Variants in BCAM observed in about 807,000 individuals in gnomAD.
BCAM encodes the protein basal cell adhesion molecule.
Under a neutral mutation model 72.4 loss-of-function variants are expected in BCAM, and 61 were observed. The ratio of observed to expected loss-of-function variants is 0.84; its 90% confidence interval spans 0.69 to 1.04. The LOEUF is 1.04. Among genes scored for constraint, BCAM ranks in the 50% least tolerant of loss-of-function variants. BCAM has a pLI of 0.00. For synonymous variants in BCAM, 408 were observed against 384.2 expected, an observed-to-expected ratio of 1.06 and a Z score of -0.73; for missense variants, 909 against 895.0, an observed-to-expected ratio of 1.02 and a Z score of -0.20.
At chr19:44,819,224 C>A in intron 11 of BCAM, 32 bp downstream of exon 11, 1 of 1,613,122 alleles carries the variant, frequency 6.2e-7, no homozygotes, top group Non-Finnish European at 8.5e-7. Context: ...CCTGAGCCCC[C>A]TCTCACTCAT....
rs1198058165 is a variant in BCAM, at chr19:44,812,406, G to C, written c.433+15G>C. ...CAACGTGTTTGGTAAGTGTCCTCGG[G>C]CATCCCCCGAAGGGAGGCAGGCAGG... On this transcript the variant is annotated intron_variant, in intron 3 of 14. Coordinates refer to ENST00000270233, the MANE Select transcript of BCAM (RefSeq NM_005581.5). This position sits in a 1 kb window ranked among gnomAD's most constrained non-coding sequence, Gnocchi z 5.3. 1 of 1,614,032 alleles carries C rather than the reference G, an allele frequency of 6.2e-7. No homozygotes were observed. Among genetic ancestry groups the C allele is most frequent in the Non-Finnish European group, 8.5e-7 (1 of 1,179,936 alleles).
chr19:44,817,455 CAAG>C (rs1968517251), intron 8 of BCAM, among the ~76,000 whole-genome samples: 1 of 151,996 alleles, frequency 6.6e-6, no homozygotes, highest in African/African-American at 2.4e-5. Context: ...TAGGCACCCT[CAAG>C]AAGTTTGGCC....
rs761330349 is a variant in BCAM, at chr19:44,812,438, C to T, written c.434-40C>T. ...CCGAAGGGAGGCAGGCAGGGAGGGG[C>T]GCAGGGCAGGGGCTCCTGACGTGAA... On this transcript the variant is annotated intron_variant, in intron 3 of 14. Transcript: ENST00000270233. The surrounding 1 kb of genome is among the most constrained non-coding windows in gnomAD (Gnocchi z 5.3). 2.0e-5 allele frequency: 33 copies of T among 1,613,968 alleles called. No homozygotes were observed. Among genetic ancestry groups the T allele is most frequent in the Admixed American group, 1.7e-4 (10 of 59,990 alleles).
chr19:44,819,828 C>A, intron 13 of BCAM, 102 bp downstream of exon 13: 1 of 1,434,148 alleles, frequency 7.0e-7, no homozygotes, highest in South Asian at 1.5e-5. Flanking sequence ...ATCCTCCACC[C>A]CACATCCCAC....
chr19:44,816,179 A>G (rs912516915), intron 8 of BCAM, among the ~76,000 whole-genome samples: 1 of 151,862 alleles, frequency 6.6e-6, no homozygotes. Flanking sequence ...GTGTGGTGGC[A>G]TGCACCTGTA....
chr19:44,813,412 C>T lies in BCAM; in HGVS notation c.602-26C>T. 1 of 1,607,698 alleles carries T rather than the reference C, an allele frequency of 6.2e-7. No individual in the cohort carries two copies. Among genetic ancestry groups the T allele is most frequent in the Non-Finnish European group, 8.5e-7 (1 of 1,176,786 alleles). On this transcript the variant is annotated intron_variant, in intron 5 of 14. Coordinates refer to ENST00000270233, the MANE Select transcript of BCAM (RefSeq NM_005581.5). This position sits in a 1 kb window ranked among gnomAD's most constrained non-coding sequence, Gnocchi z 4.2. ...GGTGGCGGGGCTATGGCCTGGCTGACTGCCACCTCCCCCGATCTCTCCCAG... is the reference window on the plus strand; with the variant it reads ...GGTGGCGGGGCTATGGCCTGGCTGATTGCCACCTCCCCCGATCTCTCCCAG...
chr19:44,819,029 C>T lies in BCAM; in HGVS notation c.1337-27C>T, dbSNP rs777928576. On this transcript the variant is annotated intron_variant, in intron 10 of 14. Transcript: ENST00000270233. ...TCTCTCTCTCTCTCCTCTCCCTTCA[C>T]TTTCTTCCCATCCCCACCACCCACA... 5.6e-6 allele frequency: 9 copies of T among 1,611,768 alleles called. No homozygotes were observed. In the South Asian group the frequency reaches 9.9e-5, roughly 18 times the overall value.
Position 44,814,340 on chromosome 19 carries a change from G to A in BCAM, c.921+52G>A. 2 of 1,552,722 alleles carry A rather than the reference G, an allele frequency of 1.3e-6. No individual in the cohort carries two copies. The highest frequency in any genetic ancestry group is 1.7e-6 in the Non-Finnish European group (2 of 1,160,758). On this transcript the variant is annotated intron_variant, in intron 7 of 14. Transcript: ENST00000270233. This position sits in a 1 kb window ranked among gnomAD's most constrained non-coding sequence, Gnocchi z 4.6. The stretch of plus-strand genomic sequence containing the variant: ...ATCCACCCCCCAGCCCCTGACCTCT[G>A]TGACCTGCTAACCTGCATAACTTCT...
intron 1 of BCAM, among the ~76,000 whole-genome samples, chr19:44,810,219 C>G (rs927264273): frequency 6.6e-6 from 1 of 152,140 alleles, no homozygotes; most frequent in African/African-American, 2.4e-5. Context: ...CCACCAGGCC[C>G]CAGCCTCCTC....
intron 8 of BCAM, among the ~76,000 whole-genome samples, chr19:44,817,455 C>G (rs1308581185): frequency 6.6e-6 from 1 of 151,996 alleles, no homozygotes; most frequent in Non-Finnish European, 1.5e-5. Context: ...TAGGCACCCT[C>G]AAGAAGTTTG....
chr19:44,811,445 C>A, intron 2 of BCAM, 99 bp downstream of exon 2: 2 of 1,563,998 alleles, frequency 1.3e-6, no homozygotes, highest in South Asian at 1.1e-5. Flanking sequence ...ATCCACCAAG[C>A]CACACTCCTT....
rs778829510 is a variant in BCAM at position 44,812,129 on chromosome 19, C to T, written c.205-34C>T. The T allele has an allele frequency of 2.6e-6, 4 of 1,555,134 alleles. No homozygotes were observed. The highest frequency in any genetic ancestry group is 2.7e-5 in the African/African-American group (2 of 73,474). On this transcript the variant is annotated intron_variant, in intron 2 of 14. Transcript: ENST00000270233. This position sits in a 1 kb window ranked among gnomAD's most constrained non-coding sequence, Gnocchi z 5.3. ...AGAGAGAGACTGAGGAGCGCTGGGA[C>T]ACCCGGAGCTGAGAGCCTGCCCCGC...
At position 44,812,521 on chromosome 19, in the gene BCAM, GTC is replaced by G; in HGVS notation, c.479_480del (p.Ser160CysfsTer70). On this transcript the variant is annotated frameshift_variant, in exon 4 of 15. Transcript: ENST00000270233. LOFTEE classifies it high-confidence loss of function. The surrounding 1 kb of genome is among the most constrained non-coding windows in gnomAD (Gnocchi z 5.3). Reference protein sequence around the residue: ...TEVSPNKGTLSVMEDSAQEIA... With the variant: ...TEVSPNKGTLXVMEDSAQEIA... The stretch of plus-strand genomic sequence containing the variant: ...AGGTCTCCCCCAACAAAGGGACACT[GTC>G]TGTGATGGAGGACTCTGCCCAGGAG... 1.9e-6 allele frequency: 3 copies of G among 1,614,224 alleles called. No homozygotes were observed. The highest frequency in any genetic ancestry group is 2.5e-6 in the Non-Finnish European group (3 of 1,180,036).
In BCAM at chr19:44,809,865, G is replaced by T. The variant is rs1305626518; in HGVS notation, c.82+659G>T. Among the ~76,000 whole-genome samples the T allele has an allele frequency of 2.8e-5, 4 of 144,442 alleles. No individual in the cohort carries two copies. In the East Asian group the frequency reaches 7.9e-4, roughly 29 times the overall value. 94.8% of individuals were successfully genotyped at this position (144,442 alleles called of 152,430 possible). A position where few individuals can be genotyped will look rare whatever the true frequency, so the allele number is the denominator to read the frequency against. ...AGGATAGAAGGAGAGGAGGCCGGGGGCTGGGGGGTGGGGGTGGGGGTGCTG... is the reference window on the plus strand; with the variant it reads ...AGGATAGAAGGAGAGGAGGCCGGGGTCTGGGGGGTGGGGGTGGGGGTGCTG... On this transcript the variant is annotated intron_variant, in intron 1 of 14. Transcript: ENST00000270233.
rs1968382926 is a variant in BCAM, at chr19:44,809,135, C to T, written c.11C>T (p.Pro4Leu). Reference protein sequence around the residue: MEPPDAPAQARGAP... With the variant: MEPLDAPAQARGAP... ...GCCGCCGCCGTGAACATGGAGCCCC[C>T]GGACGCACCGGCCCAGGCGCGCGGG... is the stretch of plus-strand genomic sequence containing the variant. Residue 4 changes from proline to leucine, a missense_variant, in exon 1 of 15, where the codon CCG becomes CTG. Coordinates refer to ENST00000270233, the MANE Select transcript of BCAM (RefSeq NM_005581.5). 2.7e-6 allele frequency: 4 copies of T among 1,458,254 alleles called. 1 individual carries two copies. The highest frequency in any genetic ancestry group is 2.6e-5 in the South Asian group (2 of 76,138). The allele number at this position is 1,458,254 out of a possible 1,614,324, so 90.3% of individuals were successfully genotyped here.
At position 44,818,599 on chromosome 19, in the gene BCAM, G is replaced by C. The variant is rs138302587; in HGVS notation, c.1156G>C (p.Val386Leu). 93 of 1,613,906 alleles carry C rather than the reference G, an allele frequency of 5.8e-5. No homozygotes were observed. The highest frequency in any genetic ancestry group is 7.2e-5 in the Non-Finnish European group (85 of 1,179,968). ...CAGCAGTGCAGTCGTGAACTGCTCC[G>C]TGCACGGCCTGCCCACCCCTGCCCT... ...LNSSAVVNCS[V>L]HGLPTPALRW... is the part of the protein sequence containing the mutation. The change falls in exon 9 of 15, where the codon GTG (valine) becomes CTG (leucine). Residue 386 changes from valine (V) to leucine (L), a missense_variant. By Grantham distance (32) the Val-to-Leu change is conservative (BLOSUM62 1). Transcript: ENST00000270233. This position sits in a 1 kb window ranked among gnomAD's most constrained non-coding sequence, Gnocchi z 4.6.
At position 44,813,685 on chromosome 19, in the gene BCAM, A is replaced by G. The variant is rs540115015; in HGVS notation, c.784+65A>G. On this transcript the variant is annotated intron_variant, in intron 6 of 14. Coordinates refer to ENST00000270233, the MANE Select transcript of BCAM (RefSeq NM_005581.5). The surrounding 1 kb of genome is among the most constrained non-coding windows in gnomAD (Gnocchi z 4.2). ...CACACCTCATGAGGCCTGACCCTCC[A>G]CCCGGGGGCTTCACACTCCCCTCTG... 5 of 1,550,994 alleles carry G rather than the reference A, an allele frequency of 3.2e-6. No homozygotes were observed. Among genetic ancestry groups the G allele is most frequent in the Non-Finnish European group, 4.4e-6 (5 of 1,147,176 alleles).
Position 44,813,485 on chromosome 19 carries a change from T to A in BCAM, c.649T>A (p.Ser217Thr), listed in dbSNP as rs1390859241. The stretch of plus-strand genomic sequence containing the variant: ...GGTCCGGGAGGCCTCGGGCCTGCTC[T>A]CCCTCACCAGCACCCTCTACCTGCG... ...RTVREASGLL[S>T]LTSTLYLRLR... The change falls in exon 6 of 15, where the codon TCC becomes ACC. Residue 217 changes from serine to threonine, a missense_variant. Physicochemically the swap from Ser to Thr is moderately conservative, Grantham distance 58 (BLOSUM62 1). Transcript: ENST00000270233. This position sits in a 1 kb window ranked among gnomAD's most constrained non-coding sequence, Gnocchi z 4.2. 1 of 1,612,462 alleles carries A rather than the reference T, an allele frequency of 6.2e-7. No homozygotes were observed. Among genetic ancestry groups the A allele is most frequent in the South Asian group, 1.1e-5 (1 of 91,076 alleles).
chr19:44,819,985 A>G (rs1968562763), intron 13 of BCAM: 1 of 1,278,720 alleles, frequency 7.8e-7, no homozygotes, highest in Non-Finnish European at 9.8e-7. Context: ...ACCCATCCCC[A>G]AGCCAAACTC....
Sources: gnomAD v4.1 joint callset for allele counts (sites outside exome capture counted in the v4.1 genomes callset) on GRCh38, gnomAD v4.1.1 for gene constraint, Gnocchi (gnomAD v3.1) non-coding constraint, MANE v1.5 for transcripts, NCBI Gene and HGNC (gene_info 2026-07-23, HGNC 2026-07-21) for gene names.